The following VPS13B variants were observed in gnomAD, a reference collection of about 807,000 sequenced individuals.
The protein encoded by VPS13B is intermembrane lipid transfer protein VPS13B.
A neutral mutation model predicts 426.4 loss-of-function variants in VPS13B; 285 were observed. The ratio of observed to expected loss-of-function variants is 0.67; its 90% CI spans 0.61 to 0.74. VPS13B has a LOEUF of 0.74. VPS13B is among the 30% of genes least tolerant of loss of function. VPS13B has a pLI of 0.00. For synonymous variants in VPS13B, 1,676 were observed against 1,676.4 expected, an observed-to-expected ratio of 1.00 and a Z score of 0.01; for missense variants, 4,537 against 4,782.6, an observed-to-expected ratio of 0.95 and a Z score of 1.51.
intron 5 of VPS13B, among the ~76,000 whole-genome samples, chr8:99,107,339 G>A (rs1429622454): frequency 2.6e-5 from 4 of 151,988 alleles, no homozygotes; most frequent in Non-Finnish European, 4.4e-5. Context: ...ATGGACAAGA[G>A]ACTTGAACAA....
intron 19 of VPS13B, among the ~76,000 whole-genome samples, chr8:99,280,587 A>G (rs1230560535): frequency 6.6e-6 from 1 of 152,210 alleles, no homozygotes; most frequent in Non-Finnish European, 1.5e-5. Flanking sequence ...TGACAGATAA[A>G]TAATCAGTTC....
intron 16 of VPS13B, among the ~76,000 whole-genome samples, chr8:99,190,194 G>C (rs1284823124): frequency 6.6e-6 from 1 of 152,012 alleles, no homozygotes; most frequent in Non-Finnish European, 1.5e-5. Context: ...CTTTGTTCCA[G>C]AGTTTACTTT....
chr8:99,833,675 C>A (rs532787841), intron 52 of VPS13B, among the ~76,000 whole-genome samples: 1 of 151,748 alleles, frequency 6.6e-6, no homozygotes, highest in Admixed American at 6.6e-5. Flanking sequence ...TTTTTGAAAG[C>A]TATATGAACT....
At position 99,135,015 on chromosome 8, in the gene VPS13B, GC is replaced by G. The variant is rs1408744761; in HGVS notation, c.1306del (p.Met437Ter). The G allele has an allele frequency of 1.2e-6, 2 of 1,613,368 alleles. No individual in the cohort carries two copies. The highest frequency in any genetic ancestry group is 1.7e-6 in the Non-Finnish European group (2 of 1,179,534). On this transcript the variant is annotated frameshift_variant and splice_region_variant, in exon 10 of 62. Transcript: ENST00000357162. LOFTEE classifies it high-confidence loss of function. ...CWEQEGTTVE[A>X]LMMGEPFFDC... is the part of the protein sequence containing the mutation. ...TCTAATGTTTCCTTTCGTCTTATAG[GC>G]CCTTATGATGGGAGAACCTTTCTTT...
intron 39 of VPS13B, among the ~76,000 whole-genome samples, chr8:99,737,106 CTTTTTTTTTTTTTTTTTT>C (rs386413466): frequency 4.5e-5 from 2 of 44,360 alleles, no homozygotes; most frequent in Non-Finnish European, 8.0e-5. Flanking sequence ...AGATGTCCTT[CTTTTTTTTTTTTTTTTTT>C]TTTTTTTTTT....
At chr8:99,213,363 C>A (rs1044027148) in intron 17 of VPS13B, among the ~76,000 whole-genome samples, 8 of 151,820 alleles carry the variant, frequency 5.3e-5, no homozygotes, top group Non-Finnish European at 1.0e-4. Context: ...AACATTTTTT[C>A]CAGATTTCCA....
At chr8:99,369,647 G>T (rs1164615019) in intron 19 of VPS13B, among the ~76,000 whole-genome samples, 1 of 152,118 alleles carries the variant, frequency 6.6e-6, no homozygotes, top group Non-Finnish European at 1.5e-5. Flanking sequence ...CACAGGAAAA[G>T]GCTCTTCATA....
chr8:99,354,012 A>G (rs1317533493), intron 19 of VPS13B, among the ~76,000 whole-genome samples: 1 of 152,118 alleles, frequency 6.6e-6, no homozygotes. Context: ...TTAACAAAAT[A>G]ACTTGTTGTA....
chr8:99,726,804 C>T (rs1273643995), intron 39 of VPS13B, among the ~76,000 whole-genome samples: 1 of 152,186 alleles, frequency 6.6e-6, no homozygotes, highest in African/African-American at 2.4e-5. Flanking sequence ...GATCTGCCCG[C>T]CTTGGCCTCC....
intron 18 of VPS13B, among the ~76,000 whole-genome samples, chr8:99,274,548 G>A (rs1394473010): frequency 5.6e-5 from 5 of 89,230 alleles, no homozygotes; most frequent in African/African-American, 1.7e-4. Context: ...TTTATGAATG[G>A]TTATGAGGGA....
chr8:99,859,363 G>A lies in VPS13B; in HGVS notation c.10927G>A (p.Gly3643Arg), dbSNP rs778657622. The A allele has an allele frequency of 5.6e-6, 9 of 1,613,936 alleles. No homozygotes were observed. The highest frequency in any genetic ancestry group is 2.2e-5 in the East Asian group (1 of 44,884). Reference sequence around the variant, plus strand: ...CCCTGCAAGCCTGGTGAGAAGCATCGGGAACGGGGTCGCCGACTTCTTCAG... The same window carrying A: ...CCCTGCAAGCCTGGTGAGAAGCATCAGGAACGGGGTCGCCGACTTCTTCAG... ...GSPASLVRSI[G>R]NGVADFFRLP... Residue 3643 changes from glycine (G) to arginine (R), a missense_variant, in exon 57 of 62, where the codon GGG (glycine) becomes AGG (arginine). Physicochemically the swap from Gly to Arg is moderately radical, Grantham distance 125. This residue lies in a region of VPS13B where 4,311 missense variants were observed against 4,474.3 expected (regional missense o/e 0.96). Transcript: ENST00000357162.
chr8:99,148,132 A>G lies in VPS13B; in HGVS notation c.2013+122A>G, dbSNP rs1810847117. 1.4e-5 allele frequency: 15 copies of G among 1,080,948 alleles called. No individual in the cohort carries two copies. In the South Asian group the frequency reaches 2.0e-4, roughly 14 times the overall value. 67.0% of individuals were successfully genotyped at this position (1,080,948 alleles called of 1,614,324 possible). The stretch of plus-strand genomic sequence containing the variant: ...GTGGCTTGAGTGTGTAATCCTGGCA[A>G]TTCAGGAGGCTGGGGCAGGATGCAC... On this transcript the variant is annotated intron_variant, in intron 14 of 61. Transcript: ENST00000357162.
At chr8:99,506,499 C>T (rs974093327) in intron 27 of VPS13B, among the ~76,000 whole-genome samples, 1 of 152,186 alleles carries the variant, frequency 6.6e-6, no homozygotes, top group African/African-American at 2.4e-5. Flanking sequence ...TTATTAAAAA[C>T]ATACATTTCT....
chr8:99,115,554 G>GT (rs1430359179), intron 6 of VPS13B, 146 bp from the exon 7 acceptor site: 1 of 813,592 alleles, frequency 1.2e-6, no homozygotes, highest in Non-Finnish European at 1.9e-6. Flanking sequence ...AGATCTTAGA[G>GT]TAAGTATTGT....
rs571298664 is a variant in VPS13B at position 99,145,435 on chromosome 8, C to T, written c.1843+2270C>T. ...AAGGATCTGGCATGTTGCTCTCTTA[C>T]AACCACACCCACTTCCCTACCATGT... is the stretch of plus-strand genomic sequence containing the variant. On this transcript the variant is annotated intron_variant, in intron 13 of 61. Transcript: ENST00000357162. Among the ~76,000 whole-genome samples, 20 of 152,288 alleles carry T rather than the reference C, an allele frequency of 1.3e-4. No individual in the cohort carries two copies. In the East Asian group the frequency reaches 3.7e-3, roughly 28 times the overall value.
intron 2 of VPS13B, among the ~76,000 whole-genome samples, chr8:99,014,734 A>C (rs1172260120): frequency 6.6e-6 from 1 of 151,806 alleles, no homozygotes; most frequent in Non-Finnish European, 1.5e-5. Context: ...TCATGAGGAA[A>C]GATGACATTT....
intron 19 of VPS13B, among the ~76,000 whole-genome samples, chr8:99,275,608 A>G (rs1810219631): frequency 6.6e-6 from 1 of 152,078 alleles, no homozygotes; most frequent in South Asian, 2.1e-4. Flanking sequence ...TCATGTGTAA[A>G]TTGGTGTTTT....
At chr8:99,233,741 T>C (rs56047148) in intron 17 of VPS13B, 65 of 781,332 alleles carry the variant, frequency 8.3e-5, no homozygotes, top group South Asian at 7.7e-4. Context: ...CCCTGTTTCA[T>C]GTTCATTTTT....
intron 37 of VPS13B, among the ~76,000 whole-genome samples, chr8:99,719,886 C>T (rs1168347957): frequency 6.6e-6 from 1 of 152,074 alleles, no homozygotes. Flanking sequence ...AGAAATCTCC[C>T]TCTAAAAGTG....
Sources: allele counts gnomAD v4.1 joint callset (sites outside exome capture counted in the v4.1 genomes callset), GRCh38; gene constraint gnomAD v4.1.1; regional missense constraint gnomAD v4.1.1; transcripts MANE v1.5; gene names NCBI Gene and HGNC (gene_info 2026-07-23, HGNC 2026-07-21).